The following PLCH1 variants were observed in gnomAD, a reference collection of about 807,000 sequenced individuals.
PLCH1 encodes phospholipase C eta 1.
A neutral mutation model predicts 126.7 loss-of-function variants in PLCH1; 60 were observed. The ratio of observed to expected loss-of-function variants is 0.47; its 90% CI spans 0.38 to 0.59. The LOEUF is 0.59. PLCH1 is among the 20% of genes least tolerant of loss of function. The pLI is 0.00. For missense variants in PLCH1, 1,723 were observed against 2,040.0 expected (o/e 0.84, Z 2.99); for synonymous variants, 719 against 734.9 (o/e 0.98, Z 0.35).
Position 155,480,674 on chromosome 3 carries a change from C to T in PLCH1, c.*294G>A. 6.9e-6 allele frequency: 2 copies of T among 289,092 alleles called. No individual in the cohort carries two copies. The highest frequency in any genetic ancestry group is 1.3e-5 in the Non-Finnish European group (2 of 154,202). 17.9% of individuals were successfully genotyped at this position (289,092 alleles called of 1,614,324 possible). A position where few individuals can be genotyped will look rare whatever the true frequency, so the allele number is the denominator to read the frequency against. On this transcript the variant is annotated 3_prime_UTR_variant, in exon 23 of 23. Coordinates refer to ENST00000460012, the MANE Select transcript of PLCH1 (RefSeq NM_014996.4). ...GTAAAGGACATCTTGGTGAAACACA[C>T]ACACATTATAACCCGAGCTGCTGAG... is the stretch of plus-strand genomic sequence containing the variant.
At chr3:155,706,716 G>A (rs570620497) in intron 1 of PLCH1, among the ~76,000 whole-genome samples, 31 of 152,038 alleles carry the variant, frequency 2.0e-4, no homozygotes, top group African/African-American at 6.8e-4. Context: ...TCAGTGACTC[G>A]TTTCTAACAA....
At chr3:155,692,731 A>T (rs1745489602) in intron 2 of PLCH1, among the ~76,000 whole-genome samples, 1 of 151,140 alleles carries the variant, frequency 6.6e-6, no homozygotes, top group Non-Finnish European at 1.5e-5. Flanking sequence ...TAGCGAAATG[A>T]GGATAATATT....
chr3:155,571,295 T>C (rs1219140111), intron 6 of PLCH1, among the ~76,000 whole-genome samples: 2 of 152,202 alleles, frequency 1.3e-5, no homozygotes, highest in Non-Finnish European at 2.9e-5. Context: ...TATTTGTAAC[T>C]AAATAAGTCA....
chr3:155,607,150 TG>T (rs1734470452), intron 2 of PLCH1, among the ~76,000 whole-genome samples: 1 of 152,196 alleles, frequency 6.6e-6, no homozygotes, highest in African/African-American at 2.4e-5. Context: ...AATTTAGAGT[TG>T]CCCAGCTGAC....
intron 2 of PLCH1, among the ~76,000 whole-genome samples, chr3:155,693,930 T>TA (rs1328901376): frequency 5.5e-5 from 8 of 146,334 alleles, no homozygotes; most frequent in East Asian, 4.0e-4. Context: ...AACTCTGTCT[T>TA]AAAAAAAAAA....
intron 2 of PLCH1, among the ~76,000 whole-genome samples, chr3:155,633,126 G>A (rs1049418255): frequency 1.1e-4 from 16 of 152,040 alleles, no homozygotes; most frequent in Non-Finnish European, 1.9e-4. Flanking sequence ...TAGATCATGA[G>A]GAGGGTCACC....
chr3:155,549,660 G>T, intron 10 of PLCH1, 127 bp downstream of exon 10: 1 of 677,544 alleles, frequency 1.5e-6, no homozygotes, highest in Non-Finnish European at 2.5e-6. Context: ...CGCATACATA[G>T]ATCTAGACAA....
At chr3:155,696,500 C>A (rs912544678) in intron 2 of PLCH1, among the ~76,000 whole-genome samples, 6 of 152,236 alleles carry the variant, frequency 3.9e-5, no homozygotes, top group African/African-American at 1.4e-4. Context: ...CCATCAATTT[C>A]TGTGCATACA....
intron 2 of PLCH1, among the ~76,000 whole-genome samples, chr3:155,683,774 G>T (rs1202778843): frequency 6.6e-6 from 1 of 152,198 alleles, no homozygotes; most frequent in Admixed American, 6.5e-5. Context: ...CTGTCCTGAG[G>T]ACTGAAGCTT....
Position 155,481,901 on chromosome 3 carries a change from T to C in PLCH1, c.4125A>G (p.Gln1375=), listed in dbSNP as rs752802848. The change falls in exon 23 of 23, where the codon CAA becomes CAG. Residue 1375 remains glutamine, a synonymous_variant. Coordinates refer to ENST00000460012, the MANE Select transcript of PLCH1 (RefSeq NM_014996.4). The surrounding 1 kb of genome is among the most constrained non-coding windows in gnomAD (Gnocchi z 4.2). ...TCEYRREGTS[Q]LASPLKLKYN... ...ACTTGAGTTTTAAAGGAGAAGCAAGTTGACTTGTGCCCTCTCTCCTATATT... is the reference window on the plus strand; with the variant it reads ...ACTTGAGTTTTAAAGGAGAAGCAAGCTGACTTGTGCCCTCTCTCCTATATT... The C allele has an allele frequency of 2.5e-5, 40 of 1,614,054 alleles. No individual in the cohort carries two copies. In the East Asian group the frequency reaches 8.9e-4, roughly 36 times the overall value.
chr3:155,735,588 C>T (rs990629655), intron 1 of PLCH1, among the ~76,000 whole-genome samples: 9 of 148,764 alleles, frequency 6.0e-5, no homozygotes, highest in Admixed American at 5.4e-4. Context: ...GAGCCAAGAT[C>T]GCACCACTGC....
chr3:155,488,633 A>G, intron 20 of PLCH1, 27 bp downstream of exon 20: 2 of 1,588,636 alleles, frequency 1.3e-6, no homozygotes, highest in Non-Finnish European at 1.7e-6. Context: ...TGGTCAGTCT[A>G]GAGAGAAAAG....
chr3:155,737,313 T>A (rs539556747), intron 1 of PLCH1, among the ~76,000 whole-genome samples: 1 of 150,242 alleles, frequency 6.7e-6, no homozygotes, highest in South Asian at 2.1e-4. Context: ...TTAATTCTTG[T>A]GTATCCTTCT....
At chr3:155,519,323 A>T (rs2108268542) in intron 11 of PLCH1, among the ~76,000 whole-genome samples, 1 of 152,304 alleles carries the variant, frequency 6.6e-6, no homozygotes, top group East Asian at 1.9e-4. Flanking sequence ...CAGTCATTTC[A>T]TATGGTGGGT....
At position 155,480,753 on chromosome 3, in the gene PLCH1, C is replaced by A; in HGVS notation, c.*215G>T. 3.7e-6 allele frequency: 2 copies of A among 533,730 alleles called. No homozygotes were observed. Among genetic ancestry groups the A allele is most frequent in the Non-Finnish European group, 6.6e-6 (2 of 301,858 alleles). The allele number at this position is 533,730 out of a possible 1,614,324, so 33.1% of individuals were successfully genotyped here. The stretch of plus-strand genomic sequence containing the variant: ...TTCATACTGATACAGTTTACAACAA[C>A]TCAAGGGAGAAAGATCATAATAGGT... On this transcript the variant is annotated 3_prime_UTR_variant, in exon 23 of 23. Transcript: ENST00000460012.
chr3:155,526,029 T>A (rs1467598475), intron 10 of PLCH1, among the ~76,000 whole-genome samples: 1 of 152,196 alleles, frequency 6.6e-6, no homozygotes, highest in Non-Finnish European at 1.5e-5. Flanking sequence ...GCTATCTGTA[T>A]TAGCAAGGCT....
chr3:155,653,333 T>C (rs531204471), intron 2 of PLCH1, among the ~76,000 whole-genome samples: 1 of 152,326 alleles, frequency 6.6e-6, no homozygotes, highest in East Asian at 1.9e-4. Context: ...ACCTAGTTTT[T>C]GTTTCGTTTT....
intron 2 of PLCH1, among the ~76,000 whole-genome samples, chr3:155,686,856 C>T (rs1031846353): frequency 6.6e-6 from 1 of 152,108 alleles, no homozygotes; most frequent in African/African-American, 2.4e-5. Context: ...AAACTTGGGG[C>T]TTTCTATTTA....
At chr3:155,621,142 A>C (rs1736438934) in intron 2 of PLCH1, among the ~76,000 whole-genome samples, 1 of 152,188 alleles carries the variant, frequency 6.6e-6, no homozygotes, top group Non-Finnish European at 1.5e-5. Flanking sequence ...GACCTCCAGC[A>C]AACTCCAGCA....
Sources: allele counts gnomAD v4.1 joint callset (sites outside exome capture counted in the v4.1 genomes callset), GRCh38; gene constraint gnomAD v4.1.1; non-coding constraint Gnocchi (gnomAD v3.1); transcripts MANE v1.5; gene names NCBI Gene and HGNC (gene_info 2026-07-23, HGNC 2026-07-21).